The following BST1 variants were observed in gnomAD, a reference collection of about 807,000 sequenced individuals.
BST1 encodes the protein bone marrow stromal cell antigen 1.
Under a neutral mutation model 40.6 loss-of-function variants are expected in BST1, and 49 were observed. The observed-to-expected ratio is 1.21, with a 90% CI of 0.96 to 1.53. The LOEUF (loss-of-function observed/expected upper bound fraction) is 1.53, where lower values mean the gene tolerates loss of function less well. BST1 is among the 40% of genes most tolerant of loss of function. The probability of loss-of-function intolerance (pLI) is 0.00; values close to 1 mark genes in which losing one functional copy is unlikely to be tolerated. For synonymous variants in BST1, 157 were observed against 159.3 expected (o/e 0.99, Z 0.11); for missense variants, 423 against 395.9 (o/e 1.07, Z -0.58).
chr4:15,703,606 G>A (rs1389978132), intron 1 of BST1, among the ~76,000 whole-genome samples: 1 of 148,014 alleles, frequency 6.8e-6, no homozygotes. Context: ...GGTGAGGGGT[G>A]TGTGCGTGTG....
downstream of BST1, among the ~76,000 whole-genome samples, chr4:15,734,874 A>C (rs1194328681): frequency 6.6e-6 from 1 of 152,190 alleles, no homozygotes; most frequent in Non-Finnish European, 1.5e-5. Context: ...CAGGAGCGGG[A>C]ACCAGGCCAC....
chr4:15,770,747 C>G, the BST1 span, among the ~76,000 whole-genome samples: 1 of 144,342 alleles, frequency 6.9e-6, no homozygotes, highest in African/African-American at 2.6e-5. Flanking sequence ...CCTTCTGATT[C>G]CCCCTGTTTG....
chr4:15,705,489 TC>T, intron 1 of BST1, 25 bp from the exon 2 acceptor site: 1 of 1,549,768 alleles, frequency 6.5e-7, no homozygotes, highest in Non-Finnish European at 8.7e-7. Flanking sequence ...ATGTGTGTGT[TC>T]TTCCCAACTT....
downstream of BST1, among the ~76,000 whole-genome samples, chr4:15,735,256 C>G (rs1211676903): frequency 2.0e-5 from 3 of 152,204 alleles, no homozygotes; most frequent in Non-Finnish European, 4.4e-5. Flanking sequence ...CCTAACAGGG[C>G]CCATCTTCAT....
downstream of BST1, chr4:15,735,962 A>C: frequency 2.7e-6 from 2 of 729,278 alleles, no homozygotes; most frequent in South Asian, 3.3e-5. Flanking sequence ...ATACAGAAAA[A>C]TTAGGAAGAA....
chr4:15,708,400 G>A (rs1369665722), intron 3 of BST1, among the ~76,000 whole-genome samples: 2 of 152,154 alleles, frequency 1.3e-5, no homozygotes, highest in South Asian at 4.1e-4. Flanking sequence ...GGGGATATCA[G>A]CTCGAGTGAT....
chr4:15,772,157 A>G, the BST1 span, among the ~76,000 whole-genome samples: 8 of 152,182 alleles, frequency 5.3e-5, no homozygotes, highest in African/African-American at 9.7e-5. Flanking sequence ...ATTTATTGTC[A>G]GAAACAAATA....
downstream of BST1, among the ~76,000 whole-genome samples, chr4:15,741,235 G>A (rs1721734484): frequency 6.6e-6 from 1 of 152,102 alleles, no homozygotes; most frequent in Non-Finnish European, 1.5e-5. Context: ...CCCTCTAGGG[G>A]CCATCCCTGT....
At chr4:15,753,091 A>C in the BST1 span, among the ~76,000 whole-genome samples, 1 of 152,256 alleles carries the variant, frequency 6.6e-6, no homozygotes, top group African/African-American at 2.4e-5. Context: ...AAATATTTAA[A>C]TATAAATCAC....
chr4:15,737,665 TG>T, downstream of BST1: 1 of 545,726 alleles, frequency 1.8e-6, no homozygotes, highest in Non-Finnish European at 3.1e-6. Context: ...AAGGACTGGG[TG>T]GGCACATGAA....
chr4:15,743,011 C>T (rs185649310), downstream of BST1, among the ~76,000 whole-genome samples: 30 of 152,320 alleles, frequency 2.0e-4, no homozygotes, highest in Middle Eastern at 3.4e-3. Flanking sequence ...CACTTATTTA[C>T]AAGGAGGACA....
chr4:15,738,995 T>C (rs1204415899), downstream of BST1, among the ~76,000 whole-genome samples: 1 of 152,194 alleles, frequency 6.6e-6, no homozygotes, highest in Admixed American at 6.5e-5. Flanking sequence ...GGACAATGAA[T>C]CATCATTGGA....
At chr4:15,766,296 C>G in the BST1 span, among the ~76,000 whole-genome samples, 1 of 151,764 alleles carries the variant, frequency 6.6e-6, no homozygotes, top group South Asian at 2.1e-4. Context: ...TAAACTGTCA[C>G]CTGAAGGTTA....
At chr4:15,737,854 A>T (rs375316732) in exon 7 of BST1, 6 of 1,274,770 alleles carry the variant, frequency 4.7e-6, no homozygotes, top group Non-Finnish European at 6.1e-6. Flanking sequence ...AATGCCTTCC[A>T]CTCCCACAGC....
the BST1 span, among the ~76,000 whole-genome samples, chr4:15,766,764 T>C: frequency 3.6e-5 from 4 of 111,396 alleles, no homozygotes; most frequent in East Asian, 2.4e-4. Flanking sequence ...GCACAAAACA[T>C]ATTGAGGAGA....
chr4:15,759,406 A>G, the BST1 span, among the ~76,000 whole-genome samples: 1 of 151,946 alleles, frequency 6.6e-6, no homozygotes, highest in African/African-American at 2.4e-5. Context: ...TATTATGCAG[A>G]TTTGATAACA....
At chr4:15,751,482 A>G in the BST1 span, among the ~76,000 whole-genome samples, 6 of 152,166 alleles carry the variant, frequency 3.9e-5, no homozygotes, top group Non-Finnish European at 7.4e-5. Flanking sequence ...GCAATTCCTC[A>G]AAAGAAAGGT....
chr4:15,743,630 G>T, the BST1 span: 1 of 300,984 alleles, frequency 3.3e-6, no homozygotes, highest in Non-Finnish European at 6.4e-6. Flanking sequence ...CCTATTTCTG[G>T]CAAGGGCAGA....
At chr4:15,725,033 C>T (rs1721023963) in intron 8 of BST1, among the ~76,000 whole-genome samples, 1 of 152,160 alleles carries the variant, frequency 6.6e-6, no homozygotes, top group Non-Finnish European at 1.5e-5. Context: ...TGCCTCTGTA[C>T]CATGGCATCA....
Sources: allele counts gnomAD v4.1 joint callset (sites outside exome capture counted in the v4.1 genomes callset), GRCh38; gene constraint gnomAD v4.1.1; transcripts MANE v1.5; gene names NCBI Gene and HGNC (gene_info 2026-07-23, HGNC 2026-07-21).